Variants in ROBO1 observed in about 807,000 individuals in gnomAD.
The protein encoded by ROBO1 is roundabout guidance receptor 1.
ROBO1 carries 149 observed loss-of-function variants against 195.9 expected under a neutral mutation model. That is an observed-to-expected ratio of 0.76 (90% confidence interval 0.67 to 0.87). The LOEUF (loss-of-function observed/expected upper bound fraction) is 0.87. Ranked by LOEUF, ROBO1 falls within the 40% of genes least tolerant of loss-of-function variation. The pLI is 0.00. For synonymous variants in ROBO1, 816 were observed against 733.2 expected (o/e 1.11, Z -1.82); for missense variants, 1,933 against 2,068.3 (o/e 0.93, Z 1.27).
intron 2 of ROBO1, among the ~76,000 whole-genome samples, chr3:79,525,741 G>A (rs1208854554): frequency 6.6e-6 from 1 of 151,444 alleles, no homozygotes; most frequent in Non-Finnish European, 1.5e-5. Context: ...GAGTGGCTGG[G>A]ATTACAGGCA....
intron 2 of ROBO1, among the ~76,000 whole-genome samples, chr3:79,542,661 G>T (rs1942117081): frequency 6.6e-6 from 1 of 151,944 alleles, no homozygotes; most frequent in East Asian, 1.9e-4. Context: ...TTAATCCTCA[G>T]GAAACTGGTA....
chr3:79,281,299 CTTAT>C (rs2109001956), intron 2 of ROBO1, among the ~76,000 whole-genome samples: 1 of 150,182 alleles, frequency 6.7e-6, no homozygotes, highest in African/African-American at 2.5e-5. Flanking sequence ...TTCATATATT[CTTAT>C]TTATTGATTG....
At chr3:79,141,807 A>C (rs2080533365) in intron 2 of ROBO1, among the ~76,000 whole-genome samples, 1 of 152,106 alleles carries the variant, frequency 6.6e-6, no homozygotes, top group Non-Finnish European at 1.5e-5. Context: ...CATAAAGCTG[A>C]ATTTTAAAAT....
At chr3:78,940,730 T>C (rs1210792313) in intron 3 of ROBO1, among the ~76,000 whole-genome samples, 1 of 152,244 alleles carries the variant, frequency 6.6e-6, no homozygotes, top group Non-Finnish European at 1.5e-5. Context: ...AGAATTACAA[T>C]ATATAAATCT....
intron 4 of ROBO1, among the ~76,000 whole-genome samples, chr3:78,748,956 T>G (rs989535986): frequency 2.6e-5 from 4 of 152,136 alleles, no homozygotes; most frequent in Admixed American, 6.5e-5. Flanking sequence ...AAGGTAAACC[T>G]TGTTAAACTG....
At chr3:79,185,543 A>T (rs2081422029) in intron 2 of ROBO1, among the ~76,000 whole-genome samples, 1 of 152,124 alleles carries the variant, frequency 6.6e-6, no homozygotes, top group Non-Finnish European at 1.5e-5. Flanking sequence ...TTAGGTATTC[A>T]TCTTAGAAAA....
chr3:79,308,171 T>G (rs1576954099), intron 2 of ROBO1, among the ~76,000 whole-genome samples: 1 of 152,190 alleles, frequency 6.6e-6, no homozygotes, highest in East Asian at 1.9e-4. Context: ...TTTTTCCTAC[T>G]AAAAATGTAT....
At chr3:79,674,010 A>G (rs1197753367) in intron 1 of ROBO1, among the ~76,000 whole-genome samples, 2 of 152,078 alleles carry the variant, frequency 1.3e-5, no homozygotes, top group South Asian at 2.1e-4. Flanking sequence ...CAAAGATTCC[A>G]GAAAGTTATT....
intron 2 of ROBO1, among the ~76,000 whole-genome samples, chr3:79,558,451 G>A (rs903217995): frequency 2.6e-5 from 4 of 152,056 alleles, no homozygotes; most frequent in African/African-American, 4.8e-5. Flanking sequence ...TGTATGAATC[G>A]AGTGTTTATG....
intron 8 of ROBO1, among the ~76,000 whole-genome samples, chr3:78,711,348 C>CTCCTTTCTTTCTTCCT (rs1575992298): frequency 2.6e-4 from 14 of 54,688 alleles, no homozygotes; most frequent in East Asian, 7.8e-4. Context: ...TCCTTCCTTC[C>CTCCTTTCTTTCTTCCT]TCCTTCCTTC....
chr3:78,919,319 G>C (rs549105595), intron 4 of ROBO1, among the ~76,000 whole-genome samples: 95 of 152,262 alleles, frequency 6.2e-4, no homozygotes, highest in African/African-American at 2.2e-3. Context: ...ACTGGCCAGA[G>C]ATGAGTAACT....
intron 3 of ROBO1, among the ~76,000 whole-genome samples, chr3:79,054,211 C>G (rs1180342576): frequency 2.0e-5 from 3 of 152,076 alleles, no homozygotes; most frequent in Admixed American, 2.0e-4. Context: ...AACTTTGATG[C>G]TCTTACCACA....
chr3:79,590,171 C>T (rs550243966), intron 1 of ROBO1, among the ~76,000 whole-genome samples: 1 of 151,688 alleles, frequency 6.6e-6, no homozygotes, highest in East Asian at 1.9e-4. Context: ...ATTTTGAAAA[C>T]TCATTTTCAA....
intron 2 of ROBO1, among the ~76,000 whole-genome samples, chr3:79,557,739 A>ATATATATAT (rs1273371706): frequency 1.5e-4 from 21 of 140,080 alleles, no homozygotes; most frequent in Non-Finnish European, 2.6e-4. Context: ...TTAAAACAAA[A>ATATATATAT]AAAAATATAT....
chr3:79,342,670 A>C (rs1039491944), intron 2 of ROBO1, among the ~76,000 whole-genome samples: 4 of 152,160 alleles, frequency 2.6e-5, no homozygotes, highest in Non-Finnish European at 5.9e-5. Flanking sequence ...GGAGGGAAAA[A>C]AGGATAGAGT....
chr3:79,057,625 A>T (rs543224029), intron 3 of ROBO1, among the ~76,000 whole-genome samples: 3 of 152,152 alleles, frequency 2.0e-5, no homozygotes, highest in Admixed American at 2.0e-4. Context: ...TTACCCTGGA[A>T]ATAACATCCC....
intron 2 of ROBO1, among the ~76,000 whole-genome samples, chr3:79,250,514 G>A (rs1192173755): frequency 1.3e-5 from 2 of 151,988 alleles, no homozygotes; most frequent in Non-Finnish European, 2.9e-5. Flanking sequence ...GAAATATCTA[G>A]TTTCAAGCTA....
At chr3:79,219,466 A>C (rs1302457851) in intron 2 of ROBO1, among the ~76,000 whole-genome samples, 1 of 152,000 alleles carries the variant, frequency 6.6e-6, no homozygotes, top group Non-Finnish European at 1.5e-5. Context: ...TGTTAACAGG[A>C]TTAGCTAGTA....
intron 1 of ROBO1, among the ~76,000 whole-genome samples, chr3:79,707,825 G>T (rs1269292898): frequency 6.6e-6 from 1 of 152,062 alleles, no homozygotes; most frequent in Non-Finnish European, 1.5e-5. Flanking sequence ...ATTTTTTAAT[G>T]CTGAAATTTA....
Sources: allele counts gnomAD v4.1 joint callset (sites outside exome capture counted in the v4.1 genomes callset), GRCh38; gene constraint gnomAD v4.1.1; transcripts MANE v1.5; gene names NCBI Gene and HGNC (gene_info 2026-07-23, HGNC 2026-07-21).